The following CYTH1 variants were observed in gnomAD, a reference collection of about 807,000 sequenced individuals.
CYTH1 encodes the protein cytohesin 1.
A neutral mutation model predicts 61.8 loss-of-function variants in CYTH1; 18 were observed. That is an observed-to-expected ratio of 0.29 (90% CI 0.20 to 0.43). The LOEUF (loss-of-function observed/expected upper bound fraction) is 0.43, where lower values mean the gene tolerates loss of function less well. CYTH1 is among the 20% of genes least tolerant of loss of function. The pLI, the probability that CYTH1 is intolerant of heterozygous loss-of-function variation, is 1.00. For synonymous variants in CYTH1, 174 were observed against 184.3 expected (o/e 0.94, Z 0.45); for missense variants, 336 against 510.5 (o/e 0.66, Z 3.29).
At chr17:78,779,921 C>T (rs989368065) in intron 1 of CYTH1, among the ~76,000 whole-genome samples, 4 of 152,368 alleles carry the variant, frequency 2.6e-5, no homozygotes, top group Admixed American at 6.5e-5. Context: ...GAAACTAACA[C>T]GCCCTGCTTC....
At chr17:78,698,108 A>C (rs2092961089) in intron 9 of CYTH1, among the ~76,000 whole-genome samples, 161 bp downstream of exon 9, 3 of 152,190 alleles carry the variant, frequency 2.0e-5, no homozygotes, top group Admixed American at 2.0e-4. Context: ...TGTGTCCATG[A>C]ATGTGTGTGA....
At chr17:78,770,810 A>G (rs930845709) in intron 1 of CYTH1, among the ~76,000 whole-genome samples, 5 of 152,200 alleles carry the variant, frequency 3.3e-5, no homozygotes, top group Non-Finnish European at 5.9e-5. Flanking sequence ...CGCTTCTGAA[A>G]TAGAAGCCTT....
At chr17:78,707,682 ATT>A (rs140347768) in intron 3 of CYTH1, among the ~76,000 whole-genome samples, 10 of 141,828 alleles carry the variant, frequency 7.1e-5, no homozygotes, top group Admixed American at 7.1e-5. Flanking sequence ...CTCCAGTTCA[ATT>A]TTTTTTTTTT....
At position 78,700,348 on chromosome 17, in the gene CYTH1, C is replaced by A; in HGVS notation, c.533G>T (p.Gly178Val). ...FAQRYCQCNN[G>V]VFQSTDTCYV... ...GTATTTACCCGTGGACTGGAACACG[C>A]CATTATTGCACTGACAATATCGCTG... The change falls in exon 7 of 14, where the codon GGC becomes GTC. Residue 178 changes from glycine (G) to valine (V), a missense_variant. By Grantham distance (109) the Gly-to-Val change is moderately radical. This residue lies in a region of CYTH1 where 125 missense variants were observed against 209.9 expected (regional missense o/e 0.60). Transcript: ENST00000446868. The surrounding 1 kb of genome is among the most constrained non-coding windows in gnomAD (Gnocchi z 5.1). The A allele has an allele frequency of 6.2e-7, 1 of 1,612,580 alleles. No homozygotes were observed.
chr17:78,712,710 A>G (rs1158836908), intron 1 of CYTH1, among the ~76,000 whole-genome samples: 6 of 152,076 alleles, frequency 3.9e-5, no homozygotes, highest in Non-Finnish European at 7.4e-5. Flanking sequence ...TTCATAATCA[A>G]TTAGGTAATC....
chr17:78,694,215 C>T (rs1317701215), intron 10 of CYTH1, among the ~76,000 whole-genome samples: 2 of 152,210 alleles, frequency 1.3e-5, no homozygotes, highest in Non-Finnish European at 2.9e-5. Context: ...GAACCCTAGG[C>T]GGGCTTACGT....
chr17:78,742,139 G>C (rs1262026577), intron 1 of CYTH1, among the ~76,000 whole-genome samples: 4 of 152,210 alleles, frequency 2.6e-5, no homozygotes. Context: ...GCTCCTACTA[G>C]TTCCTTAGGC....
At chr17:78,698,177 A>ACGCGCACACACGCACG in intron 9 of CYTH1, 92 bp downstream of exon 9, 1 of 1,033,668 alleles carries the variant, frequency 9.7e-7, no homozygotes, top group South Asian at 1.3e-5. Context: ...AAACACGCAC[A>ACGCGCACACACGCACG]CGCGCACACA....
At chr17:78,770,228 G>A (rs2093465179) in intron 1 of CYTH1, among the ~76,000 whole-genome samples, 1 of 150,552 alleles carries the variant, frequency 6.6e-6, no homozygotes, top group Non-Finnish European at 1.5e-5. Context: ...GGAGGCTGAG[G>A]CAGAATAATT....
intron 9 of CYTH1, among the ~76,000 whole-genome samples, chr17:78,697,914 GCA>G (rs2092958215): frequency 6.6e-6 from 1 of 152,204 alleles, no homozygotes; most frequent in Admixed American, 6.5e-5. Context: ...AAAATGTGGA[GCA>G]CAGACACATG....
intron 11 of CYTH1, among the ~76,000 whole-genome samples, chr17:78,690,706 A>G (rs2092876054): frequency 6.6e-6 from 1 of 152,312 alleles, no homozygotes; most frequent in African/African-American, 2.4e-5. Flanking sequence ...CTCAAAAAAA[A>G]AAAAGTATTT....
chr17:78,687,422 T>C (rs2092828003), intron 11 of CYTH1, among the ~76,000 whole-genome samples: 1 of 152,214 alleles, frequency 6.6e-6, no homozygotes, highest in Non-Finnish European at 1.5e-5. Flanking sequence ...TTTGAAGTTG[T>C]CTCAAACGTA....
chr17:78,698,648 A>G (rs1022010537), intron 8 of CYTH1, among the ~76,000 whole-genome samples, 172 bp downstream of exon 8: 7 of 152,204 alleles, frequency 4.6e-5, no homozygotes, highest in African/African-American at 9.7e-5. Context: ...CCCCTCCCTG[A>G]TTCCCTAGCT....
intron 11 of CYTH1, among the ~76,000 whole-genome samples, chr17:78,685,706 G>A (rs2092809543): frequency 6.6e-6 from 1 of 152,056 alleles, no homozygotes; most frequent in Non-Finnish European, 1.5e-5. Context: ...TTACGTGCTG[G>A]ATGTTACTGT....
At chr17:78,723,682 A>C (rs1317514087) in intron 1 of CYTH1, 1 of 152,340 alleles carries the variant, frequency 6.6e-6, no homozygotes, top group East Asian at 1.9e-4. Flanking sequence ...ATTTGCGCAC[A>C]GGCTGCACTT....
chr17:78,718,745 T>C (rs1471994905), intron 1 of CYTH1, among the ~76,000 whole-genome samples: 1 of 152,268 alleles, frequency 6.6e-6, no homozygotes, highest in African/African-American at 2.4e-5. Flanking sequence ...GCCTCAGTTT[T>C]GTCCAGCTGT....
chr17:78,694,975 C>T (rs537030777), intron 10 of CYTH1, among the ~76,000 whole-genome samples: 1 of 152,170 alleles, frequency 6.6e-6, no homozygotes, highest in Non-Finnish European at 1.5e-5. Context: ...AGGACCACCT[C>T]CCACTGCACG....
chr17:78,710,268 T>G (rs2093115091), intron 1 of CYTH1, among the ~76,000 whole-genome samples: 1 of 152,216 alleles, frequency 6.6e-6, no homozygotes, highest in African/African-American at 2.4e-5. Flanking sequence ...AAAAAAAGTC[T>G]AGAATATACA....
intron 1 of CYTH1, among the ~76,000 whole-genome samples, chr17:78,758,428 G>A (rs929249203): frequency 1.3e-5 from 2 of 152,178 alleles, no homozygotes; most frequent in Non-Finnish European, 2.9e-5. Context: ...GCCCAGGCCC[G>A]GTGTGGTGGC....
Sources: allele counts gnomAD v4.1 joint callset (sites outside exome capture counted in the v4.1 genomes callset), GRCh38; gene constraint gnomAD v4.1.1; regional missense constraint gnomAD v4.1.1; non-coding constraint Gnocchi (gnomAD v3.1); transcripts MANE v1.5; gene names NCBI Gene and HGNC (gene_info 2026-07-23, HGNC 2026-07-21).